Variants in GALNT13 observed in about 807,000 individuals in gnomAD.
GALNT13 encodes polypeptide N-acetylgalactosaminyltransferase 13.
A neutral mutation model predicts 64.2 loss-of-function variants in GALNT13; 28 were observed. The observed-to-expected ratio is 0.44, with a 90% CI of 0.32 to 0.60. The LOEUF is 0.60. GALNT13 is among the 20% of genes least tolerant of loss of function. The pLI is 0.05. For synonymous variants in GALNT13, 214 were observed against 224.6 expected, an observed-to-expected ratio of 0.95 and a Z score of 0.42; for missense variants, 577 against 669.8, an observed-to-expected ratio of 0.86 and a Z score of 1.53.
intron 3 of GALNT13, among the ~76,000 whole-genome samples, chr2:154,004,130 T>C (rs923760908): frequency 2.6e-5 from 4 of 152,210 alleles, no homozygotes; most frequent in African/African-American, 9.6e-5. Context: ...ATACATTTAA[T>C]TTTTCTCCAT....
At chr2:154,133,554 A>C (rs1041404508) in intron 3 of GALNT13, among the ~76,000 whole-genome samples, 2 of 27,850 alleles carry the variant, frequency 7.2e-5, no homozygotes, top group African/African-American at 1.6e-4. Flanking sequence ...ATATATATAT[A>C]TATATATATA....
At chr2:153,320,695 G>A in the GALNT13 span, among the ~76,000 whole-genome samples, 64 of 152,208 alleles carry the variant, frequency 4.2e-4, no homozygotes, top group South Asian at 2.9e-3. Context: ...TTTAAAATTC[G>A]CTGAAGTGAG....
chr2:153,566,426 C>G, the GALNT13 span, among the ~76,000 whole-genome samples: 1 of 137,040 alleles, frequency 7.3e-6, no homozygotes, highest in East Asian at 2.5e-4. Flanking sequence ...GCGATCTCAG[C>G]TCACTGCAAG....
At chr2:153,694,433 A>T in the GALNT13 span, among the ~76,000 whole-genome samples, 1 of 152,220 alleles carries the variant, frequency 6.6e-6, no homozygotes, top group African/African-American at 2.4e-5. Context: ...AAATATAGCA[A>T]TTGAAAAAAC....
the GALNT13 span, among the ~76,000 whole-genome samples, chr2:153,310,225 T>C: frequency 2.6e-5 from 4 of 152,246 alleles, no homozygotes; most frequent in Non-Finnish European, 4.4e-5. Context: ...AATGATAAAT[T>C]TTGTTACATA....
At chr2:154,437,690 A>G (rs1171686890) in intron 11 of GALNT13, 5 of 451,884 alleles carry the variant, frequency 1.1e-5, no homozygotes, top group Non-Finnish European at 1.7e-5. Flanking sequence ...CCCCGTCTCT[A>G]CTAAAATACA....
chr2:154,292,114 A>G (rs1188253522), intron 8 of GALNT13, among the ~76,000 whole-genome samples: 1 of 152,002 alleles, frequency 6.6e-6, no homozygotes, highest in Non-Finnish European at 1.5e-5. Flanking sequence ...TCTGCTTTCA[A>G]TATCCATTTT....
In GALNT13 at chr2:154,141,722, T is replaced by A. The variant is rs553108255; in HGVS notation, c.311+1217T>A. On this transcript the variant is annotated intron_variant, in intron 4 of 12. Coordinates refer to ENST00000392825, the MANE Select transcript of GALNT13 (RefSeq NM_052917.4). ...ATTGCTTTTCCAGCACAAAAATAGC[T>A]CATTGTCTATATGACTCTTTCACCC... is the stretch of plus-strand genomic sequence containing the variant. Among the ~76,000 whole-genome samples the A allele has an allele frequency of 2.6e-4, 39 of 152,308 alleles. 1 individual carries two copies. Among genetic ancestry groups the A allele is most frequent in the African/African-American group, 7.7e-4 (32 of 41,570 alleles).
At chr2:153,559,520 T>C in the GALNT13 span, among the ~76,000 whole-genome samples, 1 of 152,140 alleles carries the variant, frequency 6.6e-6, no homozygotes, top group Non-Finnish European at 1.5e-5. Context: ...TGGACTGATA[T>C]CCAGTTCTTT....
At chr2:154,454,963 G>T (rs546483012), downstream of GALNT13, among the ~76,000 whole-genome samples, 126 of 152,228 alleles carry the variant, frequency 8.3e-4, no homozygotes, top group African/African-American at 3.0e-3. Context: ...TGAAGATTAG[G>T]TTCTATGTTA....
the GALNT13 span, among the ~76,000 whole-genome samples, chr2:153,377,588 G>A: frequency 2.0e-5 from 3 of 152,170 alleles, no homozygotes; most frequent in East Asian, 1.9e-4. Flanking sequence ...TGCACACCTC[G>A]GCTTGCCTTT....
intron 8 of GALNT13, among the ~76,000 whole-genome samples, chr2:154,293,875 A>G (rs529347816): frequency 1.3e-5 from 2 of 152,298 alleles, no homozygotes; most frequent in East Asian, 1.9e-4. Flanking sequence ...GAGTCTAAAT[A>G]TATGACATTT....
At chr2:153,172,549 A>G in the GALNT13 span, among the ~76,000 whole-genome samples, 1 of 152,084 alleles carries the variant, frequency 6.6e-6, no homozygotes, top group Admixed American at 6.6e-5. Context: ...GCCCTGACCA[A>G]GGTGGAGGAG....
chr2:153,633,195 T>C, the GALNT13 span, among the ~76,000 whole-genome samples: 1 of 152,210 alleles, frequency 6.6e-6, no homozygotes, highest in Non-Finnish European at 1.5e-5. Flanking sequence ...TGGCTAAGCA[T>C]ACCTTTAATT....
intron 12 of GALNT13, chr2:154,446,516 A>T: frequency 6.8e-7 from 1 of 1,471,170 alleles, no homozygotes; most frequent in Non-Finnish European, 9.1e-7. Context: ...TTGATTTATT[A>T]CTGTCTTTGT....
At chr2:153,716,420 ATTC>A in the GALNT13 span, among the ~76,000 whole-genome samples, 2 of 152,188 alleles carry the variant, frequency 1.3e-5, no homozygotes, top group East Asian at 3.9e-4. Flanking sequence ...ACCCAAGACA[ATTC>A]TTCTCCTTCC....
Position 153,897,060 on chromosome 2 carries a change from AT to A in GALNT13, c.-176-3868del, listed in dbSNP as rs558908820. On this transcript the variant is annotated intron_variant, in intron 1 of 12. Coordinates refer to ENST00000392825, the MANE Select transcript of GALNT13 (RefSeq NM_052917.4). ...GCATGCACACGTGTAGACACACCAC[AT>A]TTTTTTTCCTGAATCATTTGAGAAT... is the stretch of plus-strand genomic sequence containing the variant. 3.1e-3 allele frequency among the ~76,000 whole-genome samples: 464 copies of A among 151,936 alleles called. 1 individual carries two copies. Among genetic ancestry groups the A allele is most frequent in the Non-Finnish European group, 5.3e-3 (362 of 67,908 alleles).
At chr2:153,954,961 G>T (rs1692457640) in intron 3 of GALNT13, among the ~76,000 whole-genome samples, 1 of 151,782 alleles carries the variant, frequency 6.6e-6, no homozygotes. Flanking sequence ...ATTTCTGGAG[G>T]ATGTAGAAAG....
the GALNT13 span, among the ~76,000 whole-genome samples, chr2:153,739,017 C>G: frequency 6.6e-6 from 1 of 152,034 alleles, no homozygotes; most frequent in East Asian, 1.9e-4. Flanking sequence ...ATCTGTGTAT[C>G]TATTCATTCA....
Sources: gnomAD v4.1 joint callset for allele counts (sites outside exome capture counted in the v4.1 genomes callset) on GRCh38, gnomAD v4.1.1 for gene constraint, MANE v1.5 for transcripts, NCBI Gene and HGNC (gene_info 2026-07-23, HGNC 2026-07-21) for gene names.